Variants in XKR5 observed in about 807,000 individuals in gnomAD.
XKR5 encodes XK related 5.
In XKR5, 46 loss-of-function variants were observed where a neutral mutation model predicts 40.8. That is an observed-to-expected ratio of 1.13 (90% CI 0.89 to 1.44). The LOEUF is 1.44. XKR5 is among the 40% of genes most tolerant of loss of function. The pLI is 0.00. For synonymous variants in XKR5, 466 were observed against 356.1 expected, an observed-to-expected ratio of 1.31 and a Z score of -3.48; for missense variants, 1,169 against 844.7, an observed-to-expected ratio of 1.38 and a Z score of -4.76.
chr8:6,811,099 C>T lies in XKR5; in HGVS notation c.*99G>A, dbSNP rs1385197402. 3 of 1,189,590 alleles carry T rather than the reference C, an allele frequency of 2.5e-6. No individual in the cohort carries two copies. The highest frequency in any genetic ancestry group is 1.6e-5 in the South Asian group (1 of 62,922). 73.7% of individuals were successfully genotyped at this position (1,189,590 alleles called of 1,614,324 possible). On this transcript the variant is annotated 3_prime_UTR_variant, in exon 7 of 7. Coordinates refer to ENST00000618742, the MANE Select transcript of XKR5 (RefSeq NM_207411.5). ...GAGATTCAGAGGTGACAGTGATGTG[C>T]CCAAGGACACAGGTGTCAGAAGTGG... is the stretch of plus-strand genomic sequence containing the variant.
Position 6,825,230 on chromosome 8 carries a change from G to A in XKR5, c.362C>T (p.Thr121Ile). ...TGTCTGAAGCAGCAGGTGGGGCCCAGTCTGCAGCAGGGCCTCCAAGAGTCG... is the reference window on the plus strand; with the variant it reads ...TGTCTGAAGCAGCAGGTGGGGCCCAATCTGCAGCAGGGCCTCCAAGAGTCG... ...ALRLLEALLQ[T>I]GPHLLLQTYV... Residue 121 changes from threonine to isoleucine, a missense_variant, in exon 3 of 7, where the codon ACT (threonine) becomes ATT (isoleucine). Transcript: ENST00000618742. 6.2e-7 allele frequency: 1 copy of A among 1,612,940 alleles called. No homozygotes were observed. The highest frequency in any genetic ancestry group is 1.3e-5 in the African/African-American group (1 of 74,934).
chr8:6,830,166 G>A (rs1587200535), intron 2 of XKR5, among the ~76,000 whole-genome samples: 1 of 152,132 alleles, frequency 6.6e-6, no homozygotes, highest in Non-Finnish European at 1.5e-5. Context: ...AAGCAACTTT[G>A]TGTTTTACTG....
chr8:6,819,969 G>C (rs1483361405), intron 5 of XKR5, among the ~76,000 whole-genome samples: 1 of 150,628 alleles, frequency 6.6e-6, no homozygotes. Flanking sequence ...ATCTTTCAGA[G>C]CATCTACATC....
Position 6,823,718 on chromosome 8 carries a change from AG to A in XKR5, c.439del (p.Leu147CysfsTer21). ...FTDIVPGVST[L>X]FSWSSLSWAL... ...CCAGGAGAGTGAGGACCAGGAAAAC[AG>A]GGTGCTCACCCCTGAAAGGGAAGCA... is the stretch of plus-strand genomic sequence containing the variant. On this transcript the variant is annotated frameshift_variant, in exon 4 of 7. Coordinates refer to ENST00000618742, the MANE Select transcript of XKR5 (RefSeq NM_207411.5). LOFTEE classifies it high-confidence loss of function. 6.3e-7 allele frequency: 1 copy of A among 1,579,818 alleles called. No homozygotes were observed. Among genetic ancestry groups the A allele is most frequent in the Non-Finnish European group, 8.6e-7 (1 of 1,163,030 alleles).
intron 2 of XKR5, among the ~76,000 whole-genome samples, chr8:6,830,435 A>G (rs542177748): frequency 6.6e-6 from 1 of 152,290 alleles, no homozygotes; most frequent in African/African-American, 2.4e-5. Context: ...GCTTTCCTCT[A>G]TGGAAGTAAA....
At chr8:6,818,161 G>A (rs1804048924) in intron 5 of XKR5, among the ~76,000 whole-genome samples, 1 of 151,978 alleles carries the variant, frequency 6.6e-6, no homozygotes, top group Non-Finnish European at 1.5e-5. Context: ...TTTTTCCCTC[G>A]GACGCTGTGC....
chr8:6,835,443 C>A lies in XKR5; in HGVS notation c.51G>T (p.Gln17His). Residue 17 changes from glutamine (Q) to histidine (H), a missense_variant, in exon 1 of 7, where the codon CAG (glutamine) becomes CAT (histidine). Physicochemically the swap from Gln to His is conservative, Grantham distance 24. Coordinates refer to ENST00000618742, the MANE Select transcript of XKR5 (RefSeq NM_207411.5). The stretch of plus-strand genomic sequence containing the variant: ...TCGGGCTGCCGCACTCACGCGCGCT[C>A]TGCTCGGCCGCCTGCAGCAGGGCCG... ...GLSALLQAAE[Q>H]SARLYTVAYY... The A allele has an allele frequency of 6.7e-7, 1 of 1,492,810 alleles. No individual in the cohort carries two copies. The highest frequency in any genetic ancestry group is 8.9e-7 in the Non-Finnish European group (1 of 1,128,482). 92.5% of individuals were successfully genotyped at this position (1,492,810 alleles called of 1,614,324 possible). A position where few individuals can be genotyped will look rare whatever the true frequency, so the allele number is the denominator to read the frequency against.
At chr8:6,819,686 T>A (rs1804135662) in intron 5 of XKR5, among the ~76,000 whole-genome samples, 1 of 152,220 alleles carries the variant, frequency 6.6e-6, no homozygotes. Flanking sequence ...GTTTCATGGT[T>A]GCAGCCCCAC....
chr8:6,821,907 C>G lies in XKR5; in HGVS notation c.769G>C (p.Asp257His). The change falls in exon 5 of 7, where the codon GAC becomes CAC. Residue 257 changes from aspartate (D) to histidine (H), a missense_variant. Transcript: ENST00000618742. ...VYILCYLSFW[D>H]SPSRNRMVTF... ...ACCATCCTATTTCTAGAAGGGCTGT[C>G]CCAGAAGCTGAGGTAGCAGAGGATG... 6.2e-7 allele frequency: 1 copy of G among 1,613,430 alleles called. No individual in the cohort carries two copies. Among genetic ancestry groups the G allele is most frequent in the Admixed American group, 1.7e-5 (1 of 59,936 alleles).
rs1587149999 is a variant in XKR5, at chr8:6,811,841, C to T, written c.1418G>A (p.Gly473Asp). The change falls in exon 7 of 7, where the codon GGT becomes GAT. Residue 473 changes from glycine to aspartate, a missense_variant. By Grantham distance (94) the Gly-to-Asp change is moderately conservative. Coordinates refer to ENST00000618742, the MANE Select transcript of XKR5 (RefSeq NM_207411.5). Reference sequence around the variant, plus strand: ...TGGGTCGGCCTCTGCTTTAGGGACACCTTCAAACGCAGAGCTGTTCTCTAA... The same window carrying T: ...TGGGTCGGCCTCTGCTTTAGGGACATCTTCAAACGCAGAGCTGTTCTCTAA... Reference protein sequence around the residue: ...STLENSSAFEGVPKAEADPLE... With the variant: ...STLENSSAFEDVPKAEADPLE... 6.5e-7 allele frequency: 1 copy of T among 1,537,630 alleles called. No homozygotes were observed.
intron 5 of XKR5, among the ~76,000 whole-genome samples, chr8:6,817,473 C>T (rs1191221124): frequency 1.3e-5 from 2 of 152,148 alleles, no homozygotes; most frequent in African/African-American, 2.4e-5. Flanking sequence ...ACGAGAACTC[C>T]AGACTCAGCA....
At chr8:6,824,668 C>T (rs1255431965) in intron 3 of XKR5, among the ~76,000 whole-genome samples, 1 of 152,102 alleles carries the variant, frequency 6.6e-6, no homozygotes, top group Admixed American at 6.6e-5. Context: ...ATAGCTGGCA[C>T]TGCAACTGCA....
rs929390553 is a variant in XKR5 at position 6,809,826 on chromosome 8, T to C, written c.*1372A>G. 7 of 152,276 alleles carry C rather than the reference T, an allele frequency of 4.6e-5. No individual in the cohort carries two copies. The highest frequency in any genetic ancestry group is 8.8e-5 in the Non-Finnish European group (6 of 68,154). The allele number at this position is 152,276 out of a possible 1,614,324, so 9.4% of individuals were successfully genotyped here. On this transcript the variant is annotated 3_prime_UTR_variant, in exon 7 of 7. Transcript: ENST00000618742. ...TTTGGAGAGAATAAAAACTACCCATTCTGGCTGGGCACGGTGGCTCACGCC... is the reference window on the plus strand; with the variant it reads ...TTTGGAGAGAATAAAAACTACCCATCCTGGCTGGGCACGGTGGCTCACGCC...
intron 6 of XKR5, among the ~76,000 whole-genome samples, chr8:6,815,298 A>G (rs1206650074): frequency 1.3e-5 from 2 of 152,216 alleles, no homozygotes; most frequent in Non-Finnish European, 1.5e-5. Flanking sequence ...TGACAGTGCC[A>G]GGCCTGTGCT....
chr8:6,822,066 G>A, intron 4 of XKR5, 28 bp from the exon 5 acceptor site: 1 of 1,582,662 alleles, frequency 6.3e-7, no homozygotes, highest in Non-Finnish European at 8.6e-7. Flanking sequence ...GCAGACGTCA[G>A]GGTCCATGCA....
chr8:6,822,926 G>C (rs1804304911), intron 4 of XKR5, among the ~76,000 whole-genome samples: 1 of 152,232 alleles, frequency 6.6e-6, no homozygotes, highest in South Asian at 2.1e-4. Context: ...ATGACATATA[G>C]ACTGTATATT....
At chr8:6,822,561 CA>C (rs1054611132) in intron 4 of XKR5, among the ~76,000 whole-genome samples, 7 of 151,688 alleles carry the variant, frequency 4.6e-5, no homozygotes, top group African/African-American at 1.7e-4. Flanking sequence ...TTCTTTTTTT[CA>C]AAAAAATTAT....
chr8:6,824,628 T>C (rs1804378623), intron 3 of XKR5, among the ~76,000 whole-genome samples: 1 of 152,162 alleles, frequency 6.6e-6, no homozygotes, highest in Non-Finnish European at 1.5e-5. Flanking sequence ...ACTCCTGGCC[T>C]CAAGTGATGC....
chr8:6,822,888 T>C (rs1390114566), intron 4 of XKR5, among the ~76,000 whole-genome samples: 3 of 152,216 alleles, frequency 2.0e-5, no homozygotes, highest in Non-Finnish European at 4.4e-5. Flanking sequence ...TCAAAGGAAA[T>C]GGTGCACTTT....
Sources: gnomAD v4.1 joint callset for allele counts (sites outside exome capture counted in the v4.1 genomes callset) on GRCh38, gnomAD v4.1.1 for gene constraint, MANE v1.5 for transcripts, NCBI Gene and HGNC (gene_info 2026-07-23, HGNC 2026-07-21) for gene names.